CUL1: variants seen among roughly 807,000 people sequenced by gnomAD.
CUL1 encodes the protein cullin-1.
Under a neutral mutation model 118.0 loss-of-function variants are expected in CUL1, and 24 were observed. The observed-to-expected ratio is 0.20, with a 90% confidence interval of 0.15 to 0.29. CUL1 has a LOEUF of 0.29. CUL1 is among the 10% of genes least tolerant of loss of function. The pLI is 1.00. For synonymous variants in CUL1, 332 were observed against 340.4 expected (o/e 0.98, Z 0.27); for missense variants, 361 against 933.8 (o/e 0.39, Z 7.99).
At chr7:148,700,206 CA>C (rs1797677686) in intron 1 of CUL1, among the ~76,000 whole-genome samples, 1 of 152,136 alleles carries the variant, frequency 6.6e-6, no homozygotes, top group Admixed American at 6.5e-5. Context: ...CCTGTAGTAG[CA>C]TTAAAATCGT....
intron 6 of CUL1, 142 bp from the exon 7 acceptor site, chr7:148,760,191 A>G: frequency 1.8e-6 from 1 of 551,750 alleles, no homozygotes; most frequent in Non-Finnish European, 3.0e-6. Context: ...CTTTAATACT[A>G]GTGAGTAAGA....
intron 9 of CUL1, among the ~76,000 whole-genome samples, chr7:148,778,095 A>AAAG (rs1488340904): frequency 5.7e-4 from 46 of 80,746 alleles, no homozygotes; most frequent in Non-Finnish European, 6.4e-4. Flanking sequence ...AAAAAAAAAA[A>AAAG]AAGAAGAAGA....
rs765684261 is a variant in CUL1 at position 148,800,544 on chromosome 7, G to T, written c.2293G>T (p.Val765Leu). ...ILIEKEYLER[V>L]DGEKDTYSYL... ...AATTGAGAAAGAATATTTGGAGCGA[G>T]TGGATGGTGAAAAGGACACCTACAG... Residue 765 changes from valine (V) to leucine (L), a missense_variant, in exon 22 of 22, where the codon GTG becomes TTG. Physicochemically the swap from Val to Leu is conservative, Grantham distance 32 (BLOSUM62 1). Coordinates refer to ENST00000325222, the MANE Select transcript of CUL1 (RefSeq NM_003592.3). This position sits in a 1 kb window ranked among gnomAD's most constrained non-coding sequence, Gnocchi z 4.6. The T allele has an allele frequency of 6.2e-7, 1 of 1,614,102 alleles. No individual in the cohort carries two copies. The highest frequency in any genetic ancestry group is 8.5e-7 in the Non-Finnish European group (1 of 1,179,954).
intron 9 of CUL1, among the ~76,000 whole-genome samples, chr7:148,768,919 T>G (rs1403794634): frequency 6.6e-6 from 1 of 152,300 alleles, no homozygotes; most frequent in Middle Eastern, 3.4e-3. Context: ...TATAAAGCTT[T>G]CCTTTAGGTT....
chr7:148,736,453 G>A (rs541374345), intron 2 of CUL1, among the ~76,000 whole-genome samples: 43 of 151,978 alleles, frequency 2.8e-4, no homozygotes, highest in African/African-American at 9.2e-4. Context: ...GACTGCAGGC[G>A]CACACCACCA....
intron 20 of CUL1, 24 bp from the exon 21 acceptor site, chr7:148,799,251 C>G (rs199996920): frequency 6.3e-7 from 1 of 1,581,262 alleles, no homozygotes; most frequent in Admixed American, 1.7e-5. Flanking sequence ...AAATGCACTT[C>G]TTTTTCCTTA....
intron 2 of CUL1, among the ~76,000 whole-genome samples, chr7:148,745,241 T>A (rs1299682064): frequency 2.0e-5 from 3 of 152,218 alleles, no homozygotes; most frequent in African/African-American, 7.2e-5. Flanking sequence ...CAATTTTCAT[T>A]GATTATGAAC....
chr7:148,769,441 ACACACAC>A (rs1800131834), intron 9 of CUL1, among the ~76,000 whole-genome samples: 1 of 150,350 alleles, frequency 6.7e-6, no homozygotes, highest in African/African-American at 2.5e-5. Context: ...ACACACACAC[ACACACAC>A]AAAACGCTCA....
intron 1 of CUL1, among the ~76,000 whole-genome samples, chr7:148,705,080 CTTCTCATTTA>C (rs1797841034): frequency 6.6e-6 from 1 of 152,156 alleles, no homozygotes; most frequent in Non-Finnish European, 1.5e-5. Context: ...GACTAATCTT[CTTCTCATTTA>C]TTTCCCCATA....
At chr7:148,766,310 G>C (rs1800003675) in intron 7 of CUL1, among the ~76,000 whole-genome samples, 1 of 151,810 alleles carries the variant, frequency 6.6e-6, no homozygotes, top group Non-Finnish European at 1.5e-5. Context: ...TTTTTTTTTA[G>C]AGACAGGGTC....
chr7:148,698,385 C>T (rs550828424), upstream of CUL1: 1 of 152,444 alleles, frequency 6.6e-6, no homozygotes, highest in South Asian at 2.1e-4. Context: ...TGTCCCCGAC[C>T]CAAGCAGCTC....
chr7:148,722,305 A>G (rs1188340162), intron 1 of CUL1, among the ~76,000 whole-genome samples: 6 of 152,148 alleles, frequency 3.9e-5, no homozygotes, highest in African/African-American at 1.4e-4. Flanking sequence ...GCTGCCTGCT[A>G]CATCCTCGGA....
At chr7:148,723,517 T>C (rs1798461189) in intron 1 of CUL1, among the ~76,000 whole-genome samples, 1 of 152,214 alleles carries the variant, frequency 6.6e-6, no homozygotes, top group Non-Finnish European at 1.5e-5. Context: ...GATAGGTACA[T>C]ACAGGTGTTT....
rs115486802 is a variant in CUL1 at position 148,777,744 on chromosome 7, T to C, written c.1084-6039T>C. 6.1e-3 allele frequency among the ~76,000 whole-genome samples: 924 copies of C among 151,962 alleles called. 14 individuals carry two copies. The highest frequency in any genetic ancestry group is 0.02 in the African/African-American group (809 of 41,462). On this transcript the variant is annotated intron_variant, in intron 9 of 21. Transcript: ENST00000325222. ...GGGGAGGAGCATTTTCTTGCTGGCA[T>C]TGTTTAACATTGCCAGGACATCACC...
intron 19 of CUL1, 67 bp from the exon 20 acceptor site, chr7:148,798,505 T>G (rs1397541708): frequency 8.3e-7 from 1 of 1,206,336 alleles, no homozygotes; most frequent in African/African-American, 1.5e-5. Context: ...GGTTGAAAAA[T>G]AGAAAGCAGC....
chr7:148,750,406 C>T (rs1365705313), intron 2 of CUL1, among the ~76,000 whole-genome samples: 7 of 151,632 alleles, frequency 4.6e-5, no homozygotes, highest in Non-Finnish European at 7.4e-5. Flanking sequence ...CCCATTAACT[C>T]GTCATTTACA....
intron 2 of CUL1, among the ~76,000 whole-genome samples, chr7:148,745,641 A>AG (rs1269881136): frequency 6.6e-6 from 1 of 152,222 alleles, no homozygotes; most frequent in East Asian, 1.9e-4. Context: ...GACTGGAGGT[A>AG]GGGGGTAGAA....
In CUL1 at chr7:148,737,282, G is replaced by A. The variant is rs547530425; in HGVS notation, c.140+7020G>A. 1.2e-4 allele frequency among the ~76,000 whole-genome samples: 18 copies of A among 151,552 alleles called. No homozygotes were observed. In the South Asian group the frequency reaches 3.7e-3, roughly 32 times the overall value. On this transcript the variant is annotated intron_variant, in intron 2 of 21. Coordinates refer to ENST00000325222, the MANE Select transcript of CUL1 (RefSeq NM_003592.3). ...GTTTGATTCACGGTAATTATACTCA[G>A]AGTACTTTGAACATTATGTAACACA... is the stretch of plus-strand genomic sequence containing the variant.
Position 148,792,953 on chromosome 7 carries a change from G to A in CUL1, c.1899+135G>A, listed in dbSNP as rs1261658215. The A allele has an allele frequency of 3.5e-5, 21 of 604,248 alleles. 1 individual carries two copies. The Admixed American group carries it at 6.4e-4, about 18-fold the overall frequency. 37.4% of individuals were successfully genotyped at this position (604,248 alleles called of 1,614,324 possible). ...ATGTTTGCCTCATGAATATGAATAT[G>A]GCCTTATTCCAGGATTTTAATACGC... On this transcript the variant is annotated intron_variant, in intron 17 of 21. Transcript: ENST00000325222.
Sources: allele counts gnomAD v4.1 joint callset (sites outside exome capture counted in the v4.1 genomes callset), GRCh38; gene constraint gnomAD v4.1.1; non-coding constraint Gnocchi (gnomAD v3.1); transcripts MANE v1.5; gene names NCBI Gene and HGNC (gene_info 2026-07-23, HGNC 2026-07-21).